The following AP5M1 variants were observed in gnomAD, a reference collection of about 807,000 sequenced individuals.
AP5M1 encodes the protein AP-5 complex subunit mu-1.
A neutral mutation model predicts 52.3 loss-of-function variants in AP5M1; 44 were observed. That is an observed-to-expected ratio of 0.84 (90% CI 0.66 to 1.08). The LOEUF (loss-of-function observed/expected upper bound fraction) is 1.08. AP5M1 is among the 50% of genes least tolerant of loss of function. The pLI is 0.00. For missense variants in AP5M1, 526 were observed against 568.4 expected (o/e 0.93, Z 0.76); for synonymous variants, 213 against 199.0 (o/e 1.07, Z -0.59).
chr14:57,273,288 A>T (rs751107724), intron 1 of AP5M1, among the ~76,000 whole-genome samples: 3 of 152,200 alleles, frequency 2.0e-5, no homozygotes, highest in Non-Finnish European at 4.4e-5. Flanking sequence ...ATTAGTAAAC[A>T]TCAATATTTT....
In AP5M1 at chr14:57,294,126, G is replaced by T. The variant is rs1885499965; in HGVS notation, c.*5242G>T. On this transcript the variant is annotated 3_prime_UTR_variant, in exon 8 of 8. Transcript: ENST00000261558. ...TATAAGCAGGATACTGCAAGGTCTG[G>T]TTGATTTCTCTAATGCCCTAGCTAA... 1.3e-5 allele frequency: 2 copies of T among 151,824 alleles called. No homozygotes were observed. Among genetic ancestry groups the T allele is most frequent in the Non-Finnish European group, 2.9e-5 (2 of 67,806 alleles). 9.4% of individuals were successfully genotyped at this position (151,824 alleles called of 1,614,324 possible).
chr14:57,282,889 G>A (rs1566518029), intron 4 of AP5M1, 45 bp from the exon 5 acceptor site: 1 of 1,348,232 alleles, frequency 7.4e-7, no homozygotes, highest in Non-Finnish European at 1.0e-6. Context: ...TCTTAAAACT[G>A]TTATATCTAT....
At chr14:57,275,176 C>T (rs555092973) in intron 2 of AP5M1, 117 of 408,676 alleles carry the variant, frequency 2.9e-4, no homozygotes, top group Non-Finnish European at 4.5e-4. Context: ...GGTAGAATCA[C>T]TCATGAAGTT....
chr14:57,294,469 T>C lies in AP5M1; in HGVS notation c.*5585T>C, dbSNP rs1164136310. 1 of 151,956 alleles carries C rather than the reference T, an allele frequency of 6.6e-6. No homozygotes were observed. Among genetic ancestry groups the C allele is most frequent in the Non-Finnish European group, 1.5e-5 (1 of 67,860 alleles). The allele number at this position is 151,956 out of a possible 1,614,324, so 9.4% of individuals were successfully genotyped here. A position where few individuals can be genotyped will look rare whatever the true frequency, so the allele number is the denominator to read the frequency against. ...AAGAGATAATTAGTGACTATATCTA[T>C]TTTAAAACCCTGTGATTTTTCTCTT... On this transcript the variant is annotated 3_prime_UTR_variant, in exon 8 of 8. Coordinates refer to ENST00000261558, the MANE Select transcript of AP5M1 (RefSeq NM_018229.4).
intron 7 of AP5M1, 109 bp downstream of exon 7, chr14:57,286,428 C>A (rs1050061864): frequency 6.8e-6 from 5 of 740,312 alleles, no homozygotes; most frequent in Non-Finnish European, 1.2e-5. Flanking sequence ...AGAATAATCC[C>A]AATTTATAAA....
chr14:57,283,031 T>C lies in AP5M1; in HGVS notation c.1174+12T>C. On this transcript the variant is annotated intron_variant, in intron 5 of 7. Coordinates refer to ENST00000261558, the MANE Select transcript of AP5M1 (RefSeq NM_018229.4). ...GATCTGGATTATTGGTGAGCAAGTT[T>C]TATTTATTGATTTTTTTTCTTTTCA... is the stretch of plus-strand genomic sequence containing the variant. 1.9e-6 allele frequency: 3 copies of C among 1,583,968 alleles called. No individual in the cohort carries two copies. Among genetic ancestry groups the C allele is most frequent in the Non-Finnish European group, 2.6e-6 (3 of 1,162,904 alleles).
At chr14:57,276,218 A>C (rs1023789673) in intron 2 of AP5M1, among the ~76,000 whole-genome samples, 1 of 152,190 alleles carries the variant, frequency 6.6e-6, no homozygotes, top group African/African-American at 2.4e-5. Flanking sequence ...GTGTTCATGG[A>C]TTATGTCATT....
At chr14:57,287,273 G>A (rs575847257) in intron 7 of AP5M1, among the ~76,000 whole-genome samples, 3 of 151,858 alleles carry the variant, frequency 2.0e-5, no homozygotes, top group African/African-American at 7.3e-5. Flanking sequence ...CTAAGGATTA[G>A]GGTTCCTAAA....
chr14:57,269,192 C>T lies in AP5M1; in HGVS notation c.-123C>T. On this transcript the variant is annotated 5_prime_UTR_variant, in exon 1 of 8. Coordinates refer to ENST00000261558, the MANE Select transcript of AP5M1 (RefSeq NM_018229.4). ...AGCTAACCTCTCTGCTGAGCGCGAC[C>T]GGTATGCGGCGCAGGATGAGCCTCA... is the stretch of plus-strand genomic sequence containing the variant. 2 of 898,404 alleles carry T rather than the reference C, an allele frequency of 2.2e-6. No individual in the cohort carries two copies. Among genetic ancestry groups the T allele is most frequent in the Non-Finnish European group, 3.5e-6 (2 of 572,102 alleles). The allele number at this position is 898,404 out of a possible 1,614,324, so 55.7% of individuals were successfully genotyped here. A position where few individuals can be genotyped will look rare whatever the true frequency, so the allele number is the denominator to read the frequency against.
intron 2 of AP5M1, 145 bp downstream of exon 2, chr14:57,275,034 T>G (rs766909075): frequency 2.7e-5 from 24 of 878,226 alleles, no homozygotes; most frequent in Non-Finnish European, 3.8e-5. Context: ...AAATTTTATG[T>G]TATCTTTTTG....
At chr14:57,286,983 G>T (rs1885322959) in intron 7 of AP5M1, among the ~76,000 whole-genome samples, 2 of 134,764 alleles carry the variant, frequency 1.5e-5, no homozygotes, top group South Asian at 4.3e-4. Context: ...CTATATGTGT[G>T]TACACACACA....
chr14:57,274,800 A>G lies in AP5M1; in HGVS notation c.631A>G (p.Ile211Val), dbSNP rs1433395511. 1.9e-6 allele frequency: 3 copies of G among 1,614,180 alleles called. No homozygotes were observed. The highest frequency in any genetic ancestry group is 2.7e-5 in the African/African-American group (2 of 75,048). The change falls in exon 2 of 8, where the codon ATT becomes GTT. Residue 211 changes from isoleucine (I) to valine (V), a missense_variant. Physicochemically the swap from Ile to Val is conservative, Grantham distance 29. Coordinates refer to ENST00000261558, the MANE Select transcript of AP5M1 (RefSeq NM_018229.4). ...GTYKGKPQVS[I>V]SITEKVKSMQ... ...GTACAAAGGAAAACCACAAGTTTCTATTTCTATCACTGAAAAGGTAAAATC... is the reference window on the plus strand; with the variant it reads ...GTACAAAGGAAAACCACAAGTTTCTGTTTCTATCACTGAAAAGGTAAAATC...
rs1022786360 is a variant in AP5M1, at chr14:57,295,816, C to T, written c.*6932C>T. 20 of 151,136 alleles carry T rather than the reference C, an allele frequency of 1.3e-4. No individual in the cohort carries two copies. The East Asian group carries it at 3.7e-3, about 28-fold the overall frequency. 9.4% of individuals were successfully genotyped at this position (151,136 alleles called of 1,614,324 possible). A position where few individuals can be genotyped will look rare whatever the true frequency, so the allele number is the denominator to read the frequency against. ...AACTTTCCTCCCAGAAGCTGCAATA[C>T]ATAAGAAATAATAAGCTGAAAATAA... is the stretch of plus-strand genomic sequence containing the variant. On this transcript the variant is annotated 3_prime_UTR_variant, in exon 8 of 8. Coordinates refer to ENST00000261558, the MANE Select transcript of AP5M1 (RefSeq NM_018229.4).
In AP5M1 at chr14:57,294,877, A is replaced by C. The variant is rs1192982756; in HGVS notation, c.*5993A>C. The C allele has an allele frequency of 6.6e-6, 1 of 152,060 alleles. No homozygotes were observed. The highest frequency in any genetic ancestry group is 6.6e-5 in the Admixed American group (1 of 15,244). The allele number at this position is 152,060 out of a possible 1,614,324, so 9.4% of individuals were successfully genotyped here. A position where few individuals can be genotyped will look rare whatever the true frequency, so the allele number is the denominator to read the frequency against. ...AAGAAAATAATTTGAAAATTACACA[A>C]GATTTCTCTTTCTTGATCTTGTTGA... On this transcript the variant is annotated 3_prime_UTR_variant, in exon 8 of 8. Transcript: ENST00000261558.
chr14:57,274,941 A>G (rs767040364), intron 2 of AP5M1, 52 bp downstream of exon 2: 1 of 1,593,984 alleles, frequency 6.3e-7, no homozygotes. Context: ...CATATGGAGA[A>G]AAGTTAAATT....
intron 1 of AP5M1, among the ~76,000 whole-genome samples, chr14:57,269,733 A>G (rs1884831138): frequency 1.3e-5 from 2 of 152,258 alleles, no homozygotes; most frequent in Non-Finnish European, 2.9e-5. Flanking sequence ...TTCAACATGC[A>G]TTGACAAAAT....
intron 4 of AP5M1, 121 bp from the exon 5 acceptor site, chr14:57,282,813 T>G: frequency 5.2e-6 from 3 of 577,620 alleles, no homozygotes; most frequent in Non-Finnish European, 9.2e-6. Context: ...TTCTGCAAAC[T>G]TGAATACAGA....
At chr14:57,278,539 G>A (rs576407838) in intron 2 of AP5M1, 1 of 152,324 alleles carries the variant, frequency 6.6e-6, no homozygotes, top group South Asian at 2.1e-4. Flanking sequence ...TCTCTCATGA[G>A]TACCTCTCAT....
chr14:57,275,079 G>A (rs1356005249), intron 2 of AP5M1, 190 bp downstream of exon 2: 6 of 634,574 alleles, frequency 9.5e-6, no homozygotes, highest in African/African-American at 1.8e-5. Context: ...ATCTGTGGCT[G>A]TGTAAAGAAT....
Sources: gnomAD v4.1 joint callset for allele counts (sites outside exome capture counted in the v4.1 genomes callset) on GRCh38, gnomAD v4.1.1 for gene constraint, MANE v1.5 for transcripts, NCBI Gene and HGNC (gene_info 2026-07-23, HGNC 2026-07-21) for gene names.